Variants in STUM observed in about 807,000 individuals in gnomAD.
STUM encodes the protein stum, mechanosensory transduction mediator homolog, also known as protein stum homolog.
In STUM, 8 loss-of-function variants were observed where a neutral mutation model predicts 15.3. The ratio of observed to expected loss-of-function variants is 0.52; its 90% CI spans 0.31 to 0.94. STUM has a LOEUF of 0.94. Ranked by LOEUF, STUM falls within the 40% of genes least tolerant of loss-of-function variation. STUM has a pLI of 0.05. For missense variants in STUM, 142 were observed against 204.9 expected, an observed-to-expected ratio of 0.69 and a Z score of 1.87; for synonymous variants, 78 against 88.7, an observed-to-expected ratio of 0.88 and a Z score of 0.68.
intron 1 of STUM, among the ~76,000 whole-genome samples, chr1:226,551,509 G>T (rs540461640): frequency 6.6e-6 from 1 of 152,382 alleles, no homozygotes; most frequent in Admixed American, 6.5e-5. Flanking sequence ...CCCAGGAGTG[G>T]TTTAAATGGC....
chr1:226,586,356 C>T (rs1003690652), intron 1 of STUM, among the ~76,000 whole-genome samples: 1 of 152,170 alleles, frequency 6.6e-6, no homozygotes, highest in African/African-American at 2.4e-5. Flanking sequence ...CAGTCTTGTT[C>T]CCAGGCTTGC....
intron 1 of STUM, among the ~76,000 whole-genome samples, chr1:226,555,633 A>C (rs1667434860): frequency 6.6e-6 from 1 of 152,238 alleles, no homozygotes; most frequent in Middle Eastern, 3.2e-3. Context: ...GTATTACTGC[A>C]GTAGCTTCCT....
intron 1 of STUM, among the ~76,000 whole-genome samples, chr1:226,579,843 T>A (rs975469643): frequency 6.6e-5 from 10 of 152,110 alleles, no homozygotes; most frequent in Admixed American, 5.2e-4. Context: ...CTGTGTTGCT[T>A]GGGCCTCAAG....
intron 2 of STUM, among the ~76,000 whole-genome samples, chr1:226,599,529 A>G (rs1221882517): frequency 6.6e-6 from 1 of 152,252 alleles, no homozygotes; most frequent in African/African-American, 2.4e-5. Context: ...GCCCCTTGCT[A>G]TAAAAACAGA....
chr1:226,579,417 G>T (rs1004919359), intron 1 of STUM, among the ~76,000 whole-genome samples: 3 of 152,132 alleles, frequency 2.0e-5, no homozygotes, highest in Admixed American at 6.5e-5. Context: ...AAATTTACTT[G>T]GTCCCTGTCC....
intron 1 of STUM, among the ~76,000 whole-genome samples, chr1:226,572,123 T>A (rs1318843134): frequency 6.6e-6 from 1 of 152,176 alleles, no homozygotes; most frequent in East Asian, 1.9e-4. Flanking sequence ...AAGGGCATGA[T>A]GATGATACCG....
Position 226,587,565 on chromosome 1 carries a change from C to A in STUM, c.203-9237C>A, listed in dbSNP as rs543468362. 3.9e-5 allele frequency among the ~76,000 whole-genome samples: 6 copies of A among 152,238 alleles called. No individual in the cohort carries two copies. The South Asian group carries it at 8.3e-4, about 21-fold the overall frequency. ...CCCCTCAAACCTCACAATCCCAACGCATTTGCCGGAGAACCCTTAGCATTT... is the reference window on the plus strand; with the variant it reads ...CCCCTCAAACCTCACAATCCCAACGAATTTGCCGGAGAACCCTTAGCATTT... On this transcript the variant is annotated intron_variant, in intron 1 of 3. Coordinates refer to ENST00000366788, the MANE Select transcript of STUM (RefSeq NM_001003665.4).
At chr1:226,570,824 T>C (rs1475496756) in intron 1 of STUM, among the ~76,000 whole-genome samples, 1 of 152,226 alleles carries the variant, frequency 6.6e-6, no homozygotes, top group African/African-American at 2.4e-5. Flanking sequence ...GATGAAGCCT[T>C]GGACCCCTTC....
At chr1:226,566,298 G>A (rs915646712) in intron 1 of STUM, among the ~76,000 whole-genome samples, 4 of 152,166 alleles carry the variant, frequency 2.6e-5, no homozygotes, top group Admixed American at 6.5e-5. Context: ...CCTTTTGATA[G>A]CCATGCCAAT....
chr1:226,550,874 G>A (rs1464433523), intron 1 of STUM, among the ~76,000 whole-genome samples: 1 of 152,164 alleles, frequency 6.6e-6, no homozygotes, highest in African/African-American at 2.4e-5. Context: ...CTGGCTCCTT[G>A]CCCTGGGGAT....
chr1:226,594,613 G>GTCAA, intron 1 of STUM, among the ~76,000 whole-genome samples: 1 of 152,250 alleles, frequency 6.6e-6, no homozygotes, highest in African/African-American at 2.4e-5. Context: ...TTATTAGTCA[G>GTCAA]GGTTCTCTAG....
At chr1:226,577,256 T>G (rs1240014621) in intron 1 of STUM, among the ~76,000 whole-genome samples, 1 of 152,194 alleles carries the variant, frequency 6.6e-6, no homozygotes, top group East Asian at 1.9e-4. Flanking sequence ...AGAGTGTCCC[T>G]TCTTGGGACT....
chr1:226,601,816 C>T (rs1668272741), intron 3 of STUM, among the ~76,000 whole-genome samples, 190 bp from the exon 4 acceptor site: 2 of 151,598 alleles, frequency 1.3e-5, no homozygotes, highest in Admixed American at 1.3e-4. Flanking sequence ...CTCCACATTT[C>T]CTGATTCATT....
chr1:226,558,972 C>A (rs1667494080), intron 1 of STUM, among the ~76,000 whole-genome samples: 1 of 152,176 alleles, frequency 6.6e-6, no homozygotes, highest in Non-Finnish European at 1.5e-5. Flanking sequence ...AAATGACATT[C>A]CTAGGGGAAA....
chr1:226,578,359 C>CT (rs34568214), intron 1 of STUM, among the ~76,000 whole-genome samples: 751 of 67,148 alleles, frequency 0.011, 2 homozygotes, highest in East Asian at 0.016. Context: ...CAACCCCCAG[C>CT]TTTTTTTTTT....
chr1:226,591,614 A>G (rs1011888568), intron 1 of STUM, among the ~76,000 whole-genome samples: 2 of 152,126 alleles, frequency 1.3e-5, no homozygotes, highest in African/African-American at 4.8e-5. Context: ...CTGGCCTCTA[A>G]TCACTTTGGC....
rs1435749346 is a variant in STUM at position 226,606,290 on chromosome 1, T to C, written c.*4250T>C. On this transcript the variant is annotated 3_prime_UTR_variant, in exon 4 of 4. Transcript: ENST00000366788. ...CCACAAAGCCAAAAACCCTGAAACA[T>C]GTTCTTTAGCTAACCCCTTCCCTGC... is the stretch of plus-strand genomic sequence containing the variant. The C allele has an allele frequency of 6.6e-6, 1 of 152,140 alleles. No homozygotes were observed. Among genetic ancestry groups the C allele is most frequent in the Non-Finnish European group, 1.5e-5 (1 of 68,042 alleles). 9.4% of individuals were successfully genotyped at this position (152,140 alleles called of 1,614,324 possible). A position where few individuals can be genotyped will look rare whatever the true frequency, so the allele number is the denominator to read the frequency against.
At chr1:226,599,898 A>T (rs1414563887) in intron 2 of STUM, among the ~76,000 whole-genome samples, 1 of 152,222 alleles carries the variant, frequency 6.6e-6, no homozygotes, top group Non-Finnish European at 1.5e-5. Context: ...TAATTGATCC[A>T]AGAGGTCTGC....
intron 1 of STUM, among the ~76,000 whole-genome samples, chr1:226,588,036 G>A (rs1668023861): frequency 6.6e-6 from 1 of 152,170 alleles, no homozygotes; most frequent in Non-Finnish European, 1.5e-5. Flanking sequence ...TAGAGGCATC[G>A]AGGGCACTGG....
Sources: allele counts gnomAD v4.1 joint callset (sites outside exome capture counted in the v4.1 genomes callset), GRCh38; gene constraint gnomAD v4.1.1; transcripts MANE v1.5; gene names NCBI Gene and HGNC (gene_info 2026-07-23, HGNC 2026-07-21).